Variants in DNAJC1 observed in about 807,000 individuals in gnomAD.
DNAJC1 encodes dnaJ homolog subfamily C member 1.
Under a neutral mutation model 76.6 loss-of-function variants are expected in DNAJC1, and 58 were observed. The ratio of observed to expected loss-of-function variants is 0.76; its 90% CI spans 0.61 to 0.94. DNAJC1 has a LOEUF of 0.94. Among genes scored for constraint, DNAJC1 ranks in the 40% least tolerant of loss-of-function variants. The pLI, the probability that DNAJC1 is intolerant of heterozygous loss-of-function variation, is 0.00. For synonymous variants in DNAJC1, 258 were observed against 267.9 expected (o/e 0.96, Z 0.36); for missense variants, 689 against 677.3 (o/e 1.02, Z -0.19).
At chr10:21,893,002 A>T (rs901554287) in intron 7 of DNAJC1, among the ~76,000 whole-genome samples, 4 of 152,196 alleles carry the variant, frequency 2.6e-5, no homozygotes, top group Non-Finnish European at 4.4e-5. Context: ...ATACAACTCA[A>T]CAATGCCATC....
chr10:21,801,901 A>G lies in DNAJC1; in HGVS notation c.1098+4079T>C, dbSNP rs114682425. Among the ~76,000 whole-genome samples the G allele has an allele frequency of 3.9e-3, 590 of 152,334 alleles. 5 individuals are homozygous for G. Among genetic ancestry groups the G allele is most frequent in the African/African-American group, 0.013 (557 of 41,574 alleles). ...AACTAACGCAGGAATAAAAAACCAA[A>G]TACCACATGTTCTCACTTGTAAGCG... On this transcript the variant is annotated intron_variant, in intron 9 of 11. Coordinates refer to ENST00000376980, the MANE Select transcript of DNAJC1 (RefSeq NM_022365.4).
intron 8 of DNAJC1, among the ~76,000 whole-genome samples, chr10:21,808,070 G>C (rs1319234663): frequency 6.6e-6 from 1 of 152,108 alleles, no homozygotes; most frequent in Non-Finnish European, 1.5e-5. Context: ...TACAGTAAAA[G>C]ATCATGTCAT....
intron 9 of DNAJC1, chr10:21,803,798 T>C (rs1441739727): frequency 1.1e-6 from 1 of 942,820 alleles, no homozygotes; most frequent in Non-Finnish European, 1.3e-6. Context: ...AACAAAAGTT[T>C]AGATTTATTA....
At chr10:21,959,928 T>G (rs547966826) in intron 1 of DNAJC1, among the ~76,000 whole-genome samples, 2 of 152,260 alleles carry the variant, frequency 1.3e-5, no homozygotes, top group South Asian at 4.1e-4. Flanking sequence ...TCTCTCACAG[T>G]CCACATTCAA....
At chr10:21,922,235 T>C (rs892127124) in intron 3 of DNAJC1, among the ~76,000 whole-genome samples, 3 of 151,992 alleles carry the variant, frequency 2.0e-5, no homozygotes, top group Admixed American at 6.6e-5. Context: ...AGTTATTAAA[T>C]TGATACCTTG....
At chr10:21,826,566 G>A (rs930890156) in intron 8 of DNAJC1, among the ~76,000 whole-genome samples, 3 of 152,102 alleles carry the variant, frequency 2.0e-5, no homozygotes, top group African/African-American at 2.4e-5. Flanking sequence ...TCATATACAC[G>A]AAAACTTGCC....
At chr10:21,837,595 C>T (rs527547188) in intron 8 of DNAJC1, among the ~76,000 whole-genome samples, 11 of 151,480 alleles carry the variant, frequency 7.3e-5, no homozygotes, top group Admixed American at 2.0e-4. Context: ...CCTCTCTGCC[C>T]GGCCGCCCCA....
chr10:21,914,432 G>A (rs925858613), intron 6 of DNAJC1, among the ~76,000 whole-genome samples: 2 of 152,096 alleles, frequency 1.3e-5, no homozygotes, highest in Non-Finnish European at 2.9e-5. Context: ...TTTATTTTCT[G>A]CTGATTTCAC....
chr10:22,003,489 G>C lies in DNAJC1; in HGVS notation c.-55C>G. The stretch of plus-strand genomic sequence containing the variant: ...CGCAGCTCCGTTGGCCGAGAGCTGG[G>C]ACGTGGCGGGCGGCGCTGGCTGTGG... On this transcript the variant is annotated 5_prime_UTR_variant, in exon 1 of 12. Coordinates refer to ENST00000376980, the MANE Select transcript of DNAJC1 (RefSeq NM_022365.4). The C allele has an allele frequency of 3.1e-6, 4 of 1,308,724 alleles. No individual in the cohort carries two copies. The highest frequency in any genetic ancestry group is 3.9e-6 in the Non-Finnish European group (4 of 1,035,134). The allele number at this position is 1,308,724 out of a possible 1,614,324, so 81.1% of individuals were successfully genotyped here.
chr10:21,923,424 C>A (rs1287774071), intron 3 of DNAJC1, among the ~76,000 whole-genome samples: 1 of 151,946 alleles, frequency 6.6e-6, no homozygotes, highest in Non-Finnish European at 1.5e-5. Context: ...GTTGACAACA[C>A]ATAAAATTTA....
At chr10:21,820,299 T>C (rs1003302745) in intron 8 of DNAJC1, among the ~76,000 whole-genome samples, 2 of 152,238 alleles carry the variant, frequency 1.3e-5, no homozygotes, top group Non-Finnish European at 2.9e-5. Context: ...GGGGGGGATA[T>C]GCCACATTTT....
chr10:21,847,495 T>G (rs544976460), intron 8 of DNAJC1, among the ~76,000 whole-genome samples: 1 of 152,262 alleles, frequency 6.6e-6, no homozygotes, highest in South Asian at 2.1e-4. Context: ...AAATTACTGT[T>G]AACTATGGTC....
intron 9 of DNAJC1, among the ~76,000 whole-genome samples, chr10:21,771,616 G>T (rs955512771): frequency 4.6e-5 from 7 of 152,090 alleles, no homozygotes; most frequent in Admixed American, 1.3e-4. Context: ...TCCTGCCTCA[G>T]CCTCCCGAGT....
At chr10:21,910,871 GGA>G (rs1836846156) in intron 6 of DNAJC1, among the ~76,000 whole-genome samples, 1 of 142,342 alleles carries the variant, frequency 7.0e-6, no homozygotes. Context: ...GGAGAGGAGA[GGA>G]GAGGAGAGGA....
chr10:21,907,166 C>T (rs1171365960), intron 6 of DNAJC1, among the ~76,000 whole-genome samples: 2 of 152,154 alleles, frequency 1.3e-5, no homozygotes, highest in Non-Finnish European at 2.9e-5. Context: ...AATCCAAATC[C>T]TCACTTATCT....
At chr10:21,922,497 T>C (rs1331920278) in intron 3 of DNAJC1, among the ~76,000 whole-genome samples, 1 of 152,008 alleles carries the variant, frequency 6.6e-6, no homozygotes, top group East Asian at 1.9e-4. Context: ...AAGTAATGTA[T>C]GGTTTGGCAG....
Position 21,761,567 on chromosome 10 carries a change from A to AC in DNAJC1, c.1148-1950_1148-1949insG, listed in dbSNP as rs397844625. Among the ~76,000 whole-genome samples the AC allele has an allele frequency of 5.3e-5, 8 of 151,484 alleles. No individual in the cohort carries two copies. In the South Asian group the frequency reaches 1.7e-3, roughly 32 times the overall value. ...CTCCGTCTAAAAAAAAAAAAAAAAA[A>AC]TCTAGATATAATTTTTAAAAATATA... On this transcript the variant is annotated intron_variant, in intron 10 of 11. Coordinates refer to ENST00000376980, the MANE Select transcript of DNAJC1 (RefSeq NM_022365.4).
rs186045785 is a variant in DNAJC1, at chr10:21,894,264, T to C, written c.820+10258A>G. ...AAGAATTAATACCAGTGTTAGACAT[T>C]CTCTTTCAGAAAATAGAAGAGGAAG... On this transcript the variant is annotated intron_variant, in intron 7 of 11. Transcript: ENST00000376980. Among the ~76,000 whole-genome samples the C allele has an allele frequency of 2.6e-5, 4 of 152,276 alleles. No homozygotes were observed. In the East Asian group the frequency reaches 7.7e-4, roughly 29 times the overall value.
chr10:21,953,082 A>T (rs1169225108), intron 1 of DNAJC1, among the ~76,000 whole-genome samples: 3 of 152,174 alleles, frequency 2.0e-5, no homozygotes, highest in Non-Finnish European at 4.4e-5. Flanking sequence ...CTGTAAAAGG[A>T]AAACATTACT....
Sources: allele counts gnomAD v4.1 joint callset (sites outside exome capture counted in the v4.1 genomes callset), GRCh38; gene constraint gnomAD v4.1.1; transcripts MANE v1.5; gene names NCBI Gene and HGNC (gene_info 2026-07-23, HGNC 2026-07-21).